The following TNKS1BP1 variants were observed in gnomAD, a reference collection of about 807,000 sequenced individuals.
The protein encoded by TNKS1BP1 is 182 kDa tankyrase-1-binding protein.
Under a neutral mutation model 141.1 loss-of-function variants are expected in TNKS1BP1, and 48 were observed. The observed-to-expected ratio is 0.34, with a 90% CI of 0.27 to 0.43. The LOEUF is 0.43. TNKS1BP1 is among the 20% of genes least tolerant of loss of function. The pLI, the probability that TNKS1BP1 is intolerant of heterozygous loss-of-function variation, is 1.00. For synonymous variants in TNKS1BP1, 875 were observed against 898.2 expected, an observed-to-expected ratio of 0.97 and a Z score of 0.46; for missense variants, 2,149 against 2,226.0, an observed-to-expected ratio of 0.97 and a Z score of 0.70.
At position 57,309,869 on chromosome 11, in the gene TNKS1BP1, G is replaced by C; in HGVS notation, c.2842C>G (p.Gln948Glu). ...GCGCTCTTCCCAAACTCCTGTTCCT[G>C]TGGCTCCGCAGCCCGGCTGCCATAG... ...GTYGSRAAEP[Q>E]EQEFGKSAWI... The change falls in exon 6 of 12, where the codon CAG becomes GAG. Residue 948 changes from glutamine to glutamate, a missense_variant. Coordinates refer to ENST00000358252, the MANE Select transcript of TNKS1BP1 (RefSeq NM_033396.3). This position sits in a 1 kb window ranked among gnomAD's most constrained non-coding sequence, Gnocchi z 4.3. 1 of 1,614,106 alleles carries C rather than the reference G, an allele frequency of 6.2e-7. No homozygotes were observed. The highest frequency in any genetic ancestry group is 8.5e-7 in the Non-Finnish European group (1 of 1,180,022).
chr11:57,312,159 CATA>C (rs1855722649), intron 5 of TNKS1BP1, among the ~76,000 whole-genome samples: 1 of 152,274 alleles, frequency 6.6e-6, no homozygotes, highest in Non-Finnish European at 1.5e-5. Flanking sequence ...ACGATATTCC[CATA>C]ATGAGAGACT....
At chr11:57,316,369 A>G (rs1254667227) in intron 4 of TNKS1BP1, among the ~76,000 whole-genome samples, 3 of 152,024 alleles carry the variant, frequency 2.0e-5, no homozygotes, top group African/African-American at 7.2e-5. Flanking sequence ...TACTCTGACA[A>G]TTCCCAAGTG....
intron 3 of TNKS1BP1, among the ~76,000 whole-genome samples, chr11:57,319,789 C>G (rs954557198): frequency 7.0e-6 from 1 of 142,534 alleles, no homozygotes; most frequent in East Asian, 2.2e-4. Flanking sequence ...AAAAAAAAGT[C>G]TATTGTCTAT....
chr11:57,322,731 G>C (rs150577776), intron 1 of TNKS1BP1, among the ~76,000 whole-genome samples: 6 of 152,150 alleles, frequency 3.9e-5, no homozygotes, highest in Admixed American at 3.9e-4. Flanking sequence ...CTGGGAGAAC[G>C]GGACAGGGCT....
intron 1 of TNKS1BP1, among the ~76,000 whole-genome samples, chr11:57,322,844 G>C (rs886453355): frequency 2.6e-5 from 4 of 152,224 alleles, no homozygotes; most frequent in Non-Finnish European, 5.9e-5. Flanking sequence ...ATGAAAAGGG[G>C]TTATGTGGGC....
At chr11:57,301,641 G>A (rs868119122) in intron 9 of TNKS1BP1, among the ~76,000 whole-genome samples, 166 bp downstream of exon 9, 4 of 152,180 alleles carry the variant, frequency 2.6e-5, no homozygotes, top group African/African-American at 9.7e-5. Context: ...AGGGCCCGGC[G>A]GGGCACAAAG....
At position 57,324,911 on chromosome 11, in the gene TNKS1BP1, ACCG is replaced by A. The variant is rs888381913; in HGVS notation, c.-140_-138del. On this transcript the variant is annotated 5_prime_UTR_variant, in exon 1 of 12. Coordinates refer to ENST00000358252, the MANE Select transcript of TNKS1BP1 (RefSeq NM_033396.3). Reference sequence around the variant, plus strand: ...AGTCCCCGCCGCCGCCGCCGCTGCTACCGCCGCCGCCGCCGCCGTCACCGCGGG... The same window carrying A: ...AGTCCCCGCCGCCGCCGCCGCTGCTACCGCCGCCGCCGCCGTCACCGCGGG... 120 of 983,702 alleles carry A rather than the reference ACCG, an allele frequency of 1.2e-4. No homozygotes were observed. Among genetic ancestry groups the A allele is most frequent in the East Asian group, 3.4e-4 (3 of 8,830 alleles). The allele number at this position is 983,702 out of a possible 1,614,324, so 60.9% of individuals were successfully genotyped here.
intron 6 of TNKS1BP1, among the ~76,000 whole-genome samples, chr11:57,306,879 C>T (rs1424198407): frequency 3.6e-5 from 4 of 111,166 alleles, no homozygotes; most frequent in African/African-American, 1.1e-4. Context: ...CCACACAGAA[C>T]GGAAAGGCAG....
Position 57,321,881 on chromosome 11 carries a change from T to G in TNKS1BP1, c.5A>C (p.Lys2Thr). The G allele has an allele frequency of 9.9e-6, 16 of 1,613,874 alleles. No individual in the cohort carries two copies. The highest frequency in any genetic ancestry group is 1.4e-5 in the Non-Finnish European group (16 of 1,179,954). Residue 2 changes from lysine (K) to threonine (T), a missense_variant, in exon 2 of 12, where the codon AAA becomes ACA. Lys to Thr is a moderately conservative substitution (Grantham distance 78, BLOSUM62 -1). Coordinates refer to ENST00000358252, the MANE Select transcript of TNKS1BP1 (RefSeq NM_033396.3). Reference sequence around the variant, plus strand: ...TGAGCTTTCCCTGAGAGTAGACACTTTCATCACATGCGGCAGACCCTCCTT... The same window carrying G: ...TGAGCTTTCCCTGAGAGTAGACACTGTCATCACATGCGGCAGACCCTCCTT... M[K>T]VSTLRESSAM...
chr11:57,324,653 G>A (rs1016597703), intron 1 of TNKS1BP1, among the ~76,000 whole-genome samples, 187 bp downstream of exon 1: 3 of 148,802 alleles, frequency 2.0e-5, no homozygotes, highest in Non-Finnish European at 4.5e-5. Context: ...GCGCACACGC[G>A]CCACCTTCCC....
Position 57,302,425 on chromosome 11 carries a change from C to T in TNKS1BP1, c.4683+34G>A. 1 of 1,560,764 alleles carries T rather than the reference C, an allele frequency of 6.4e-7. No homozygotes were observed. The highest frequency in any genetic ancestry group is 8.7e-7 in the Non-Finnish European group (1 of 1,148,246). On this transcript the variant is annotated intron_variant, in intron 7 of 11. Coordinates refer to ENST00000358252, the MANE Select transcript of TNKS1BP1 (RefSeq NM_033396.3). The surrounding 1 kb of genome is among the most constrained non-coding windows in gnomAD (Gnocchi z 5.5). ...TGGGGCTCTCGCTGCATCGCCCTCA[C>T]CCACCCACTGTCATGGGCTCACCCT...
chr11:57,306,485 T>G (rs1372898834), intron 6 of TNKS1BP1, among the ~76,000 whole-genome samples: 12 of 152,180 alleles, frequency 7.9e-5, no homozygotes, highest in Admixed American at 6.5e-5. Context: ...CCAAACATAT[T>G]CACAGACTGG....
rs1470006130 is a variant in TNKS1BP1 at position 57,310,093 on chromosome 11, A to G, written c.2618T>C (p.Leu873Pro). Residue 873 changes from leucine to proline, a missense_variant, in exon 6 of 12, where the codon CTG (leucine) becomes CCG (proline). Coordinates refer to ENST00000358252, the MANE Select transcript of TNKS1BP1 (RefSeq NM_033396.3). ...QDQEFGKRDSLGTYSSRDVSL... is the reference protein window; with the variant it reads ...QDQEFGKRDSPGTYSSRDVSL... ...TACATCTCGACTACTGTAGGTACCC[A>G]GTGAATCTCTCTTTCCGAATTCCTG... The G allele has an allele frequency of 6.2e-7, 1 of 1,614,134 alleles. No homozygotes were observed. The highest frequency in any genetic ancestry group is 1.7e-5 in the Admixed American group (1 of 60,020).
chr11:57,312,243 G>A (rs549643134), intron 5 of TNKS1BP1, among the ~76,000 whole-genome samples: 1 of 152,190 alleles, frequency 6.6e-6, no homozygotes. Context: ...ATAACTCTAA[G>A]AGGCCAATGC....
chr11:57,310,663 T>C, intron 5 of TNKS1BP1, 107 bp from the exon 6 acceptor site: 3 of 1,433,442 alleles, frequency 2.1e-6, no homozygotes, highest in Non-Finnish European at 1.9e-6. Flanking sequence ...AGCCCCACTT[T>C]GGCAACAGAA....
intron 4 of TNKS1BP1, 31 bp from the exon 5 acceptor site, chr11:57,313,920 A>ACTCACCT: frequency 2.7e-6 from 4 of 1,468,036 alleles, no homozygotes; most frequent in Non-Finnish European, 3.6e-6. Flanking sequence ...AAGATCCGTC[A>ACTCACCT]CTCACCTCTC....
chr11:57,319,880 TAC>T (rs1225795392), intron 3 of TNKS1BP1, among the ~76,000 whole-genome samples, 197 bp downstream of exon 3: 2 of 151,354 alleles, frequency 1.3e-5, no homozygotes, highest in African/African-American at 4.9e-5. Flanking sequence ...TTTAAAAGCA[TAC>T]AGTAATGATA....
At position 57,312,920 on chromosome 11, in the gene TNKS1BP1, A is replaced by C. The variant is rs143166487; in HGVS notation, c.1768T>G (p.Tyr590Asp). 1.9e-3 allele frequency: 3,140 copies of C among 1,612,274 alleles called. 6 individuals are homozygous for C. Among genetic ancestry groups the C allele is most frequent in the Non-Finnish European group, 2.3e-3 (2,667 of 1,179,000 alleles). The change falls in exon 5 of 12, where the codon TAC becomes GAC. Residue 590 changes from tyrosine to aspartate, a missense_variant. By Grantham distance (160) the Tyr-to-Asp change is radical. Transcript: ENST00000358252. ...GLPLQQAEER[Y>D]ESQEPLAGQE... ...CCAGCCAAGGGCTCCTGCGACTCGT[A>C]TCTCTCCTCTGCCTGCTGCAAAGGT...
At position 57,321,950 on chromosome 11, in the gene TNKS1BP1, C is replaced by T. The variant is rs1855894289; in HGVS notation, c.-65G>A. ...AGGTATGAGCTGGGGTGGCTGCAGA[C>T]CTAGGAAAAGAGAGAGAAGAGAAGG... On this transcript the variant is annotated splice_region_variant and 5_prime_UTR_variant, in exon 2 of 12. Transcript: ENST00000358252. 4 of 1,589,484 alleles carry T rather than the reference C, an allele frequency of 2.5e-6. No homozygotes were observed. Among genetic ancestry groups the T allele is most frequent in the Non-Finnish European group, 3.4e-6 (4 of 1,169,382 alleles).
Sources: gnomAD v4.1 joint callset for allele counts (sites outside exome capture counted in the v4.1 genomes callset) on GRCh38, gnomAD v4.1.1 for gene constraint, Gnocchi (gnomAD v3.1) non-coding constraint, MANE v1.5 for transcripts, NCBI Gene and HGNC (gene_info 2026-07-23, HGNC 2026-07-21) for gene names.